Variants in NUP133 observed in about 807,000 individuals in gnomAD.
The protein encoded by NUP133 is nucleoporin 133, also known as nuclear pore complex protein Nup133.
NUP133 carries 66 observed loss-of-function variants against 146.2 expected under a neutral mutation model. The observed-to-expected ratio is 0.45, with a 90% CI of 0.37 to 0.55. NUP133 has a LOEUF of 0.55. Among genes scored for constraint, NUP133 ranks in the 20% least tolerant of loss-of-function variants. The pLI, the probability that NUP133 is intolerant of heterozygous loss-of-function variation, is 0.00. For synonymous variants in NUP133, 521 were observed against 498.8 expected (o/e 1.04, Z -0.59); for missense variants, 1,277 against 1,374.8 (o/e 0.93, Z 1.12).
intron 19 of NUP133, among the ~76,000 whole-genome samples, chr1:229,461,779 A>G (rs1660695712): frequency 6.6e-6 from 1 of 152,258 alleles, no homozygotes; most frequent in African/African-American, 2.4e-5. Context: ...AAAATGCATG[A>G]AAAGAGAAAG....
chr1:229,449,848 ATT>A (rs1660400661), intron 23 of NUP133, among the ~76,000 whole-genome samples: 2 of 96,616 alleles, frequency 2.1e-5, no homozygotes, highest in Admixed American at 1.1e-4. Context: ...TACTATGAAG[ATT>A]TTATATATAT....
At chr1:229,443,894 C>CTTT (rs746631129) in intron 25 of NUP133, among the ~76,000 whole-genome samples, 9 of 114,874 alleles carry the variant, frequency 7.8e-5, no homozygotes, top group East Asian at 2.5e-4. Flanking sequence ...GTGCTCAACT[C>CTTT]TTTTTTTTTT....
At chr1:229,502,949 A>C (rs918772588) in intron 2 of NUP133, among the ~76,000 whole-genome samples, 1 of 152,028 alleles carries the variant, frequency 6.6e-6, no homozygotes, top group Non-Finnish European at 1.5e-5. Flanking sequence ...GCAAGACTCC[A>C]TATCAAAAAA....
At chr1:229,507,764 G>C (rs543167583) in intron 1 of NUP133, among the ~76,000 whole-genome samples, 4 of 152,282 alleles carry the variant, frequency 2.6e-5, no homozygotes, top group African/African-American at 9.6e-5. Context: ...AAAATCACGA[G>C]TGACTTACAC....
At chr1:229,451,381 C>T (rs377632847) in intron 22 of NUP133, among the ~76,000 whole-genome samples, 9 of 150,536 alleles carry the variant, frequency 6.0e-5, no homozygotes, top group African/African-American at 1.7e-4. Flanking sequence ...CCTGACAGCC[C>T]GAGCAATACC....
At chr1:229,475,173 G>A (rs6587337) in intron 14 of NUP133, among the ~76,000 whole-genome samples, 23,920 of 152,048 alleles carry the variant, frequency 0.16, 2,052 homozygotes, top group Middle Eastern at 0.23. Flanking sequence ...ATTTGGCTAC[G>A]TAATATGTCT....
At chr1:229,489,873 C>A (rs1303111331) in intron 9 of NUP133, 82 bp downstream of exon 9, 1 of 1,301,086 alleles carries the variant, frequency 7.7e-7, no homozygotes, top group Non-Finnish European at 1.0e-6. Context: ...AAAACTCTTT[C>A]AATAAATAAA....
chr1:229,447,183 A>C (rs1352148726), intron 24 of NUP133, among the ~76,000 whole-genome samples: 4 of 152,232 alleles, frequency 2.6e-5, no homozygotes, highest in Non-Finnish European at 5.9e-5. Context: ...CCTAAATTTT[A>C]AAATCAAAAG....
In NUP133 at chr1:229,463,462, G is replaced by C. The variant is rs995954112; in HGVS notation, c.2685+81C>G. On this transcript the variant is annotated intron_variant, in intron 19 of 25. Coordinates refer to ENST00000261396, the MANE Select transcript of NUP133 (RefSeq NM_018230.3). ...GATCGTATCATATTCCAAAAGCCCT[G>C]ATTACAGATTTGAAATGGCAAAGCC... is the stretch of plus-strand genomic sequence containing the variant. 8 of 1,428,840 alleles carry C rather than the reference G, an allele frequency of 5.6e-6. No individual in the cohort carries two copies. In the Admixed American group the frequency reaches 1.6e-4, roughly 29 times the overall value. The allele number at this position is 1,428,840 out of a possible 1,614,324, so 88.5% of individuals were successfully genotyped here. A position where few individuals can be genotyped will look rare whatever the true frequency, so the allele number is the denominator to read the frequency against.
At chr1:229,453,264 A>T (rs6665874) in intron 21 of NUP133, among the ~76,000 whole-genome samples, 35,407 of 146,512 alleles carry the variant, frequency 0.24, 5,182 homozygotes, top group African/African-American at 0.42. Flanking sequence ...TCCATTTTTT[A>T]AAAAATAATG....
intron 13 of NUP133, among the ~76,000 whole-genome samples, chr1:229,476,384 T>G (rs16849834): frequency 0.027 from 4,169 of 152,252 alleles, 158 homozygotes; most frequent in African/African-American, 0.085. Context: ...TTAGTGAACT[T>G]GCTAAGAAGT....
rs1661705310 is a variant in NUP133, at chr1:229,498,275, C to T, written c.680G>A (p.Ser227Asn). The stretch of plus-strand genomic sequence containing the variant: ...CTCAGGTATCAACCGAATTAGTTGG[C>T]TTCCTGATGAAGACAAAATAAAACT... The part of the protein sequence containing the change: ...GGSFILSSSG[S>N]QLIRLIPESS... Residue 227 changes from serine (S) to asparagine (N), a missense_variant, in exon 6 of 26, where the codon AGC becomes AAC. Coordinates refer to ENST00000261396, the MANE Select transcript of NUP133 (RefSeq NM_018230.3). 3 of 1,600,808 alleles carry T rather than the reference C, an allele frequency of 1.9e-6. No individual in the cohort carries two copies. Among genetic ancestry groups the T allele is most frequent in the African/African-American group, 1.3e-5 (1 of 74,244 alleles).
At chr1:229,486,194 A>G (rs1439859554) in intron 11 of NUP133, among the ~76,000 whole-genome samples, 177 bp downstream of exon 11, 1 of 151,638 alleles carries the variant, frequency 6.6e-6, no homozygotes, top group African/African-American at 2.4e-5. Context: ...AAAAAACAAA[A>G]AATTAGCCAG....
intron 19 of NUP133, among the ~76,000 whole-genome samples, chr1:229,461,458 C>T (rs935664453): frequency 1.3e-5 from 2 of 152,204 alleles, no homozygotes; most frequent in Admixed American, 6.5e-5. Context: ...ATGAATATTA[C>T]AAGAGCTGAG....
intron 3 of NUP133, 83 bp downstream of exon 3, chr1:229,501,916 C>T (rs183879452): frequency 2.2e-5 from 22 of 986,532 alleles, no homozygotes. Context: ...TATCCTCCAA[C>T]TGTAAAAAAA....
At chr1:229,471,837 A>C (rs1660963353) in intron 14 of NUP133, among the ~76,000 whole-genome samples, 3 of 152,148 alleles carry the variant, frequency 2.0e-5, no homozygotes, top group African/African-American at 7.2e-5. Flanking sequence ...CACACTGTAT[A>C]TATTGTTCTG....
chr1:229,483,738 T>C (rs1438634235), intron 12 of NUP133, among the ~76,000 whole-genome samples: 3 of 151,098 alleles, frequency 2.0e-5, no homozygotes, highest in African/African-American at 7.3e-5. Flanking sequence ...AAGCAACTTA[T>C]TTGCACCTTA....
chr1:229,495,119 T>A (rs1010185315), intron 8 of NUP133, among the ~76,000 whole-genome samples: 1 of 152,196 alleles, frequency 6.6e-6, no homozygotes, highest in African/African-American at 2.4e-5. Context: ...CTGGGCACAG[T>A]GGCTCACACC....
At chr1:229,472,708 A>T (rs966127035) in intron 14 of NUP133, among the ~76,000 whole-genome samples, 1 of 99,438 alleles carries the variant, frequency 1.0e-5, no homozygotes, top group Non-Finnish European at 1.7e-5. Flanking sequence ...CTAAATATAC[A>T]TATATATATA....
Sources: gnomAD v4.1 joint callset for allele counts (sites outside exome capture counted in the v4.1 genomes callset) on GRCh38, gnomAD v4.1.1 for gene constraint, MANE v1.5 for transcripts, NCBI Gene and HGNC (gene_info 2026-07-23, HGNC 2026-07-21) for gene names.